WIZ: variants seen among roughly 807,000 people sequenced by gnomAD.
The protein encoded by WIZ is WIZ zinc finger.
Under a neutral mutation model 140.2 loss-of-function variants are expected in WIZ, and 25 were observed. The ratio of observed to expected loss-of-function variants is 0.18; its 90% CI spans 0.13 to 0.25. WIZ has a LOEUF of 0.25. Among genes scored for constraint, WIZ ranks in the 10% least tolerant of loss-of-function variants. The pLI is 1.00. For missense variants in WIZ, 2,231 were observed against 2,632.6 expected, an observed-to-expected ratio of 0.85 and a Z score of 3.34; for synonymous variants, 1,125 against 1,154.3, an observed-to-expected ratio of 0.97 and a Z score of 0.51.
chr19:15,430,098 CAACACA>C lies in WIZ; in HGVS notation c.2912-15_2912-10del. ...GGTGGTCAGGCTCTGGGCTGAAGGG[CAACACA>C]GAGGCCGGGAGAGCAGGCTGTGAGG... On this transcript the variant is annotated splice_polypyrimidine_tract_variant and intron_variant, in intron 6 of 12. Coordinates refer to ENST00000673675, the MANE Select transcript of WIZ (RefSeq NM_001371589.1). 6.6e-7 allele frequency: 1 copy of C among 1,513,170 alleles called. No individual in the cohort carries two copies. Among genetic ancestry groups the C allele is most frequent in the Non-Finnish European group, 8.8e-7 (1 of 1,132,150 alleles). 93.7% of individuals were successfully genotyped at this position (1,513,170 alleles called of 1,614,324 possible).
intron 5 of WIZ, 117 bp from the exon 6 acceptor site, chr19:15,431,299 C>A: frequency 1.5e-6 from 2 of 1,296,976 alleles, no homozygotes; most frequent in East Asian, 5.2e-5. Flanking sequence ...CGAAGCGACT[C>A]ACCCCAGGAA....
At position 15,440,439 on chromosome 19, in the gene WIZ, G is replaced by C. The variant is rs1032283721; in HGVS notation, c.555C>G (p.Asp185Glu). 3 of 1,536,006 alleles carry C rather than the reference G, an allele frequency of 2.0e-6. No individual in the cohort carries two copies. The highest frequency in any genetic ancestry group is 2.7e-5 in the African/African-American group (2 of 73,044). Residue 185 changes from aspartate to glutamate, a missense_variant, in exon 4 of 13, where the codon GAC becomes GAG. By Grantham distance (45) the Asp-to-Glu change is conservative (BLOSUM62 2). Around this residue, in one of 15 missense-constraint regions of WIZ, gnomAD observed 307 missense variants for 294.1 expected, o/e 1.04. Coordinates refer to ENST00000673675, the MANE Select transcript of WIZ (RefSeq NM_001371589.1). This position sits in a 1 kb window ranked among gnomAD's most constrained non-coding sequence, Gnocchi z 6.2. ...EKHAQGRPRF[D>E]WLQDEDEQGS... ...CCTGCTCGTCCTCATCTTGGAGCCA[G>C]TCGAACCTGGGGCGGCCCTGGGCAT...
chr19:15,425,849 GGGAGGAGGGA>G (rs1968768736), intron 9 of WIZ, 81 bp from the exon 10 acceptor site: 13 of 17,844 alleles, frequency 7.3e-4, no homozygotes, highest in East Asian at 7.8e-3. Context: ...AGGAGGAGGA[GGGAGGAGGGA>G]GGAGGAGGAG....
intron 12 of WIZ, among the ~76,000 whole-genome samples, chr19:15,423,714 C>T (rs956126322): frequency 2.0e-5 from 3 of 152,250 alleles, no homozygotes; most frequent in Non-Finnish European, 1.5e-5. Context: ...GGCAAGTCAC[C>T]TCACGTCTCA....
At position 15,424,477 on chromosome 19, in the gene WIZ, G is replaced by A. The variant is rs1968587114; in HGVS notation, c.5315-99C>T. On this transcript the variant is annotated intron_variant, in intron 11 of 12. Transcript: ENST00000673675. This position sits in a 1 kb window ranked among gnomAD's most constrained non-coding sequence, Gnocchi z 9.7. Reference sequence around the variant, plus strand: ...AGGACTGATGCTACCTGGATGGGTGGGATGGGGGATGGATGGGTGAATGGG... The same window carrying A: ...AGGACTGATGCTACCTGGATGGGTGAGATGGGGGATGGATGGGTGAATGGG... The A allele has an allele frequency of 6.5e-7, 1 of 1,529,568 alleles. No individual in the cohort carries two copies. The highest frequency in any genetic ancestry group is 8.8e-7 in the Non-Finnish European group (1 of 1,132,360). 94.7% of individuals were successfully genotyped at this position (1,529,568 alleles called of 1,614,324 possible).
At chr19:15,432,659 T>A (rs1969343135) in intron 5 of WIZ, 1 of 149,416 alleles carries the variant, frequency 6.7e-6, no homozygotes. Flanking sequence ...GCCGCCGCCT[T>A]GCTCTCCGCT....
rs1302299251 is a variant in WIZ at position 15,442,473 on chromosome 19, G to GA, written c.278+202_278+203insT. 6.6e-6 allele frequency among the ~76,000 whole-genome samples: 1 copy of GA among 152,220 alleles called. No individual in the cohort carries two copies. The highest frequency in any genetic ancestry group is 1.5e-5 in the Non-Finnish European group (1 of 68,034). On this transcript the variant is annotated intron_variant, in intron 3 of 12. Coordinates refer to ENST00000673675, the MANE Select transcript of WIZ (RefSeq NM_001371589.1). The surrounding 1 kb of genome is among the most constrained non-coding windows in gnomAD (Gnocchi z 5.5). ...CCTGCTCCTGGCAGGGATAATGAGA[G>GA]TTGACCCTCTGTGTTCATTCCAGAC... is the stretch of plus-strand genomic sequence containing the variant.
Position 15,448,134 on chromosome 19 carries a change from T to C in WIZ, c.174A>G (p.Arg58=). Reference sequence around the variant, plus strand: ...TGCCACCTCTGCCATCCAGAATGTCTCGGGGGCCCTCCTTGGTGACAGGCA... The same window carrying C: ...TGCCACCTCTGCCATCCAGAATGTCCCGGGGGCCCTCCTTGGTGACAGGCA... ...RYLPVTKEGP[R]DILDGRGGIS... The change falls in exon 2 of 13, where the codon CGA becomes CGG. Residue 58 remains arginine (R), a synonymous_variant. Transcript: ENST00000673675. The C allele has an allele frequency of 6.2e-7, 1 of 1,612,686 alleles. No homozygotes were observed. Among genetic ancestry groups the C allele is most frequent in the Non-Finnish European group, 8.5e-7 (1 of 1,179,260 alleles).
rs765346675 is a variant in WIZ, at chr19:15,429,850, G to T, written c.3151C>A (p.Pro1051Thr). Residue 1051 changes from proline to threonine, a missense_variant, in exon 7 of 13, where the codon CCC becomes ACC. Around this residue, in one of 15 missense-constraint regions of WIZ, gnomAD observed 163 missense variants for 166.8 expected, o/e 0.98. Coordinates refer to ENST00000673675, the MANE Select transcript of WIZ (RefSeq NM_001371589.1). ...SSLKEVVAGAPRPGLLSLAKP... is the reference protein window; with the variant it reads ...SSLKEVVAGATRPGLLSLAKP... ...GCCAGGCTGAGCAAGCCGGGCCGGG[G>T]GGCCCCGGCGACCACCTCCTTCAGT... The T allele has an allele frequency of 1.3e-6, 2 of 1,530,212 alleles. No homozygotes were observed. Among genetic ancestry groups the T allele is most frequent in the Admixed American group, 2.0e-5 (1 of 50,464 alleles). The allele number at this position is 1,530,212 out of a possible 1,614,324, so 94.8% of individuals were successfully genotyped here.
Position 15,439,667 on chromosome 19 carries a change from C to T in WIZ, c.1327G>A (p.Gly443Ser). Residue 443 changes from glycine (G) to serine (S), a missense_variant, in exon 4 of 13, where the codon GGC becomes AGC. Coordinates refer to ENST00000673675, the MANE Select transcript of WIZ (RefSeq NM_001371589.1). The surrounding 1 kb of genome is among the most constrained non-coding windows in gnomAD (Gnocchi z 7.0). ...GCGCTGGCCTCAGGGCTGGGGCTGC[C>T]AGCCCCGCTGCTGCCTCCAAAAGGC... ...KEPFGGSSGA[G>S]SPSPEASALL... The T allele has an allele frequency of 6.0e-6, 9 of 1,501,470 alleles. No individual in the cohort carries two copies. The highest frequency in any genetic ancestry group is 7.1e-6 in the Non-Finnish European group (8 of 1,131,840). 93.0% of individuals were successfully genotyped at this position (1,501,470 alleles called of 1,614,324 possible).
intron 1 of WIZ, chr19:15,449,399 C>T (rs1364130523): frequency 6.6e-6 from 1 of 152,348 alleles, no homozygotes; most frequent in Non-Finnish European, 1.5e-5. Flanking sequence ...TGGGTGGGCA[C>T]TGCCCGCGGG....
chr19:15,427,167 G>A lies in WIZ; in HGVS notation c.4181C>T (p.Pro1394Leu). Residue 1394 changes from proline (P) to leucine (L), a missense_variant, in exon 9 of 13, where the codon CCT becomes CTT. Pro to Leu is a moderately conservative substitution (Grantham distance 98). Around this residue, in one of 15 missense-constraint regions of WIZ, gnomAD observed 393 missense variants for 451.7 expected, o/e 0.87. Coordinates refer to ENST00000673675, the MANE Select transcript of WIZ (RefSeq NM_001371589.1). The surrounding 1 kb of genome is among the most constrained non-coding windows in gnomAD (Gnocchi z 6.4). ...GAACATCTTTCGGGCCGTAGGAGGA[G>A]GAGAGGCAGTTGGTGAGTGGCCCAG... ...SPLGHSPTAS[P>L]PPTARKMFPG... is the part of the protein sequence containing the mutation. 1.9e-6 allele frequency: 3 copies of A among 1,614,230 alleles called. No individual in the cohort carries two copies. Among genetic ancestry groups the A allele is most frequent in the East Asian group, 4.5e-5 (2 of 44,882 alleles).
At chr19:15,441,386 G>A (rs115068315) in intron 3 of WIZ, among the ~76,000 whole-genome samples, 197 of 152,256 alleles carry the variant, frequency 1.3e-3, no homozygotes, top group African/African-American at 4.6e-3. Flanking sequence ...CAAGAACTGG[G>A]AACCCCTTTG....
In WIZ at chr19:15,422,694, A is replaced by C; in HGVS notation, c.*382T>G. On this transcript the variant is annotated 3_prime_UTR_variant, in exon 13 of 13. Transcript: ENST00000673675. The stretch of plus-strand genomic sequence containing the variant: ...AGGATATTCATGGGGGAGAGAGGGA[A>C]CCAGAACAGGGGTCTTTGGGGTCTT... 4.0e-6 allele frequency: 1 copy of C among 248,186 alleles called. No individual in the cohort carries two copies. Among genetic ancestry groups the C allele is most frequent in the Non-Finnish European group, 7.9e-6 (1 of 127,244 alleles). The allele number at this position is 248,186 out of a possible 1,614,324, so 15.4% of individuals were successfully genotyped here.
chr19:15,448,141 C>T lies in WIZ; in HGVS notation c.167G>A (p.Gly56Asp). Residue 56 changes from glycine (G) to aspartate (D), a missense_variant, in exon 2 of 13, where the codon GGC (glycine) becomes GAC (aspartate). Physicochemically the swap from Gly to Asp is moderately conservative, Grantham distance 94. Transcript: ENST00000673675. ...STRYLPVTKE[G>D]PRDILDGRGG... ...TCTGCCATCCAGAATGTCTCGGGGGCCCTCCTTGGTGACAGGCAGGTAACG... is the reference window on the plus strand; with the variant it reads ...TCTGCCATCCAGAATGTCTCGGGGGTCCTCCTTGGTGACAGGCAGGTAACG... The T allele has an allele frequency of 1.9e-6, 3 of 1,612,660 alleles. No homozygotes were observed. Among genetic ancestry groups the T allele is most frequent in the Non-Finnish European group, 2.5e-6 (3 of 1,179,194 alleles).
chr19:15,448,433 C>A, intron 1 of WIZ, 66 bp from the exon 2 acceptor site: 1 of 1,209,144 alleles, frequency 8.3e-7, no homozygotes, highest in Non-Finnish European at 1.2e-6. Context: ...GTTTCCCATC[C>A]CTCAAAACCT....
rs562155711 is a variant in WIZ at position 15,436,914 on chromosome 19, G to A, written c.2632C>T (p.Pro878Ser). ...EQPPSPLGREPGGPPGSFLTS... is the reference protein window; with the variant it reads ...EQPPSPLGRESGGPPGSFLTS... ...AGGAAGCTGCCAGGCGGACCCCCAG[G>A]CTCTCGGCCCAGGGGGCTGGGGGGC... The change falls in exon 5 of 13, where the codon CCT becomes TCT. Residue 878 changes from proline to serine, a missense_variant. Around this residue, in one of 15 missense-constraint regions of WIZ, gnomAD observed 137 missense variants for 135.8 expected, o/e 1.01. Coordinates refer to ENST00000673675, the MANE Select transcript of WIZ (RefSeq NM_001371589.1). 8 of 1,612,902 alleles carry A rather than the reference G, an allele frequency of 5.0e-6. No homozygotes were observed. The African/African-American group carries it at 1.1e-4, about 22-fold the overall frequency.
intron 2 of WIZ, among the ~76,000 whole-genome samples, chr19:15,447,459 C>T (rs1183900898): frequency 6.6e-6 from 1 of 152,228 alleles, no homozygotes; most frequent in Non-Finnish European, 1.5e-5. Flanking sequence ...TTGTCCATTT[C>T]CCCTACTAGA....
At chr19:15,437,236 G>T in intron 4 of WIZ, 107 bp from the exon 5 acceptor site, 2 of 1,142,442 alleles carry the variant, frequency 1.8e-6, no homozygotes, top group Non-Finnish European at 2.4e-6. Flanking sequence ...CTTCCCCGTG[G>T]CTGTCCCTTT....
Sources: gnomAD v4.1 joint callset for allele counts (sites outside exome capture counted in the v4.1 genomes callset) on GRCh38, gnomAD v4.1.1 for gene constraint, gnomAD v4.1.1 regional missense constraint, Gnocchi (gnomAD v3.1) non-coding constraint, MANE v1.5 for transcripts, NCBI Gene and HGNC (gene_info 2026-07-23, HGNC 2026-07-21) for gene names.